Variants in MRE11 observed in about 807,000 individuals in gnomAD.
MRE11 encodes the protein MRE11 double strand break repair nuclease.
In MRE11, 62 loss-of-function variants were observed where a neutral mutation model predicts 91.7. The observed-to-expected ratio is 0.68, with a 90% CI of 0.55 to 0.84. MRE11 has a LOEUF of 0.84. Among genes scored for constraint, MRE11 ranks in the 40% least tolerant of loss-of-function variants. MRE11 has a pLI of 0.00. For synonymous variants in MRE11, 273 were observed against 271.4 expected (o/e 1.01, Z -0.06); for missense variants, 796 against 852.9 (o/e 0.93, Z 0.83).
At chr11:94,458,729 T>G (rs1330591056) in intron 13 of MRE11, among the ~76,000 whole-genome samples, 2 of 152,164 alleles carry the variant, frequency 1.3e-5, no homozygotes, top group South Asian at 2.1e-4. Context: ...GCTGCCAATT[T>G]GACAAACAAA....
At chr11:94,439,661 G>C (rs1366296040) in intron 16 of MRE11, among the ~76,000 whole-genome samples, 1 of 152,132 alleles carries the variant, frequency 6.6e-6, no homozygotes, top group Non-Finnish European at 1.5e-5. Flanking sequence ...CACTTACTGA[G>C]GGCTTAATAT....
At chr11:94,486,900 C>A (rs1397268484) in intron 3 of MRE11, among the ~76,000 whole-genome samples, 1 of 152,098 alleles carries the variant, frequency 6.6e-6, no homozygotes, top group Non-Finnish European at 1.5e-5. Context: ...AAGACGTATA[C>A]GATGCACCTA....
rs1490476102 is a variant in MRE11, at chr11:94,447,247, T to C, written c.1755A>G (p.Ala585=). ...TTCCTCTTTGAGACCCTCCTCTCGA[T>C]GCTGAATTCTGCCCTCTTCCACCTC... The part of the protein sequence containing the change: ...GRRGGRGQNS[A]SRGGSQRGRA... Residue 585 remains alanine, a synonymous_variant, in exon 15 of 20, where the codon GCA becomes GCG. Coordinates refer to ENST00000323929, the MANE Select transcript of MRE11 (RefSeq NM_005591.4). 5 of 1,613,808 alleles carry C rather than the reference T, an allele frequency of 3.1e-6. No homozygotes were observed. Among genetic ancestry groups the C allele is most frequent in the South Asian group, 1.1e-5 (1 of 91,088 alleles).
intron 3 of MRE11, among the ~76,000 whole-genome samples, chr11:94,488,199 C>T (rs1358211421): frequency 1.3e-5 from 2 of 152,144 alleles, no homozygotes; most frequent in African/African-American, 4.8e-5. Context: ...AGAGCACATA[C>T]AGGATTCTCT....
chr11:94,459,620 A>T (rs1324710258), intron 12 of MRE11, 39 bp from the exon 13 acceptor site: 1 of 1,593,758 alleles, frequency 6.3e-7, no homozygotes, highest in Non-Finnish European at 8.6e-7. Context: ...AATAGTTTTT[A>T]TTCCTTACAA....
At chr11:94,479,592 A>T in intron 5 of MRE11, 82 bp downstream of exon 5, 1 of 1,219,130 alleles carries the variant, frequency 8.2e-7, no homozygotes, top group Non-Finnish European at 1.2e-6. Context: ...CACAATGAGA[A>T]AAAGGGAAGG....
In MRE11 at chr11:94,471,489, C is replaced by T. The variant is rs536680343; in HGVS notation, c.845+85G>A. ...GACAATACTGCCAGTTAGCGGTAAC[C>T]TTAACATAGGCCTTAAACCTATGAG... is the stretch of plus-strand genomic sequence containing the variant. On this transcript the variant is annotated intron_variant, in intron 8 of 19. Transcript: ENST00000323929. The T allele has an allele frequency of 1.2e-4, 158 of 1,345,156 alleles. 4 individuals are homozygous for T. The South Asian group carries it at 1.6e-3, about 14-fold the overall frequency. 83.3% of individuals were successfully genotyped at this position (1,345,156 alleles called of 1,614,324 possible).
the MRE11 span, among the ~76,000 whole-genome samples, chr11:94,508,952 G>C: frequency 1.3e-5 from 2 of 151,946 alleles, no homozygotes; most frequent in African/African-American, 4.8e-5. Flanking sequence ...AGTAGAGACG[G>C]GGTTTCACCA....
At chr11:94,454,641 A>C (rs1393512303) in intron 14 of MRE11, among the ~76,000 whole-genome samples, 8 of 152,172 alleles carry the variant, frequency 5.3e-5, no homozygotes, top group African/African-American at 1.7e-4. Flanking sequence ...AATATAGCTG[A>C]ATATCTGAAC....
intron 13 of MRE11, among the ~76,000 whole-genome samples, chr11:94,458,994 A>C (rs763849107): frequency 6.6e-6 from 1 of 152,178 alleles, no homozygotes; most frequent in Non-Finnish European, 1.5e-5. Flanking sequence ...AAACATTTAT[A>C]ATTTCTATGT....
rs1555012083 is a variant in MRE11, at chr11:94,467,894, C to T, written c.1018-1G>A. On this transcript the variant is annotated splice_acceptor_variant, in intron 9 of 19. Coordinates refer to ENST00000323929, the MANE Select transcript of MRE11 (RefSeq NM_005591.4). LOFTEE classifies it high-confidence loss of function. ...CAGCATTTTCAAGCATTTCTTCAAT[C>T]TCAAAATTTTTAAAAAGATTAAAAA... is the stretch of plus-strand genomic sequence containing the variant. 6.2e-7 allele frequency: 1 copy of T among 1,613,072 alleles called. No homozygotes were observed. The highest frequency in any genetic ancestry group is 1.1e-5 in the South Asian group (1 of 91,058).
At chr11:94,436,018 G>A in intron 17 of MRE11, 119 bp from the exon 18 acceptor site, 3 of 898,274 alleles carry the variant, frequency 3.3e-6, no homozygotes, top group Non-Finnish European at 5.5e-6. Context: ...CAAAAAAGGA[G>A]ACAGAAAGCC....
At chr11:94,454,157 T>A (rs1433320659) in intron 14 of MRE11, among the ~76,000 whole-genome samples, 1 of 151,136 alleles carries the variant, frequency 6.6e-6, no homozygotes, top group African/African-American at 2.4e-5. Context: ...CATTGCAACC[T>A]CTGCCTCCTG....
At chr11:94,477,331 AAAC>A (rs1351249115) in intron 6 of MRE11, among the ~76,000 whole-genome samples, 1 of 152,208 alleles carries the variant, frequency 6.6e-6, no homozygotes, top group Non-Finnish European at 1.5e-5. Flanking sequence ...AATGACTTTC[AAAC>A]AATTCTCATA....
chr11:94,459,644 G>GA, intron 12 of MRE11, 63 bp from the exon 13 acceptor site: 1 of 1,534,432 alleles, frequency 6.5e-7, no homozygotes, highest in African/African-American at 1.4e-5. Flanking sequence ...AATTATAGAT[G>GA]AGCAAGGAAA....
At chr11:94,452,843 ATAAACT>A (rs1946147218) in intron 14 of MRE11, among the ~76,000 whole-genome samples, 1 of 152,208 alleles carries the variant, frequency 6.6e-6, no homozygotes, top group South Asian at 2.1e-4. Context: ...TATACATAAC[ATAAACT>A]TACTCTTTTT....
chr11:94,497,958 CTAACAAG>C (rs1226277741), upstream of MRE11: 1 of 773,944 alleles, frequency 1.3e-6, no homozygotes, highest in Non-Finnish European at 2.0e-6. Flanking sequence ...AAGTCATCTA[CTAACAAG>C]TAAGTTTTTA....
intron 14 of MRE11, among the ~76,000 whole-genome samples, chr11:94,455,655 C>T (rs1222929993): frequency 2.0e-5 from 3 of 152,082 alleles, no homozygotes; most frequent in Non-Finnish European, 4.4e-5. Flanking sequence ...GGTGCTTAAG[C>T]TAATTTTAAT....
intron 11 of MRE11, among the ~76,000 whole-genome samples, chr11:94,461,775 G>A (rs549048317): frequency 5.3e-5 from 8 of 152,156 alleles, no homozygotes; most frequent in Non-Finnish European, 1.0e-4. Flanking sequence ...AAAGTCTCAG[G>A]ATACAAAATC....
Sources: allele counts gnomAD v4.1 joint callset (sites outside exome capture counted in the v4.1 genomes callset), GRCh38; gene constraint gnomAD v4.1.1; transcripts MANE v1.5; gene names NCBI Gene and HGNC (gene_info 2026-07-23, HGNC 2026-07-21).